MYO1D: variants seen among roughly 807,000 people sequenced by gnomAD.
The protein encoded by MYO1D is myosin ID.
In MYO1D, 83 loss-of-function variants were observed where a neutral mutation model predicts 122.0. That is an observed-to-expected ratio of 0.68 (90% CI 0.57 to 0.82). The LOEUF (loss-of-function observed/expected upper bound fraction) is 0.82, where lower values mean the gene tolerates loss of function less well. MYO1D is among the 40% of genes least tolerant of loss of function. The pLI is 0.00. For missense variants in MYO1D, 1,157 were observed against 1,269.5 expected (o/e 0.91, Z 1.35); for synonymous variants, 464 against 446.9 (o/e 1.04, Z -0.48).
intron 21 of MYO1D, among the ~76,000 whole-genome samples, chr17:32,568,670 T>C (rs925707045): frequency 4.6e-5 from 7 of 152,188 alleles, no homozygotes; most frequent in African/African-American, 1.7e-4. Flanking sequence ...TCACCTCACA[T>C]GGAATAGAAG....
intron 21 of MYO1D, chr17:32,504,922 C>G (rs115371520): frequency 1.3e-5 from 2 of 152,496 alleles, no homozygotes; most frequent in Admixed American, 6.5e-5. Context: ...CAGGCAGCCC[C>G]GCTCCCGCTC....
At chr17:32,839,151 C>G (rs531420948) in intron 1 of MYO1D, among the ~76,000 whole-genome samples, 1 of 152,194 alleles carries the variant, frequency 6.6e-6, no homozygotes, top group South Asian at 2.1e-4. Context: ...CAGGAAATGT[C>G]AAGAACTAAA....
chr17:32,696,589 G>A (rs566567905), intron 16 of MYO1D, among the ~76,000 whole-genome samples: 13 of 152,284 alleles, frequency 8.5e-5, no homozygotes, highest in African/African-American at 2.9e-4. Flanking sequence ...AATAAGGAAA[G>A]GGTTAGTAAA....
intron 16 of MYO1D, among the ~76,000 whole-genome samples, chr17:32,690,963 A>G (rs2089089605): frequency 6.6e-6 from 1 of 152,148 alleles, no homozygotes; most frequent in South Asian, 2.1e-4. Flanking sequence ...CAGTCGCTCT[A>G]GTGGGCTCTC....
At chr17:32,736,308 C>A (rs1277573035) in intron 14 of MYO1D, among the ~76,000 whole-genome samples, 2 of 152,100 alleles carry the variant, frequency 1.3e-5, no homozygotes, top group East Asian at 3.9e-4. Flanking sequence ...GCACTGCTGA[C>A]CAGAATGAAA....
chr17:32,631,281 T>A (rs551714591), intron 20 of MYO1D, among the ~76,000 whole-genome samples: 2 of 152,276 alleles, frequency 1.3e-5, no homozygotes, highest in Admixed American at 1.3e-4. Flanking sequence ...GATGGAATAA[T>A]TTTACTTCTA....
At position 32,771,111 on chromosome 17, in the gene MYO1D, G is replaced by A; in HGVS notation, c.714+14C>T. 1 of 1,559,124 alleles carries A rather than the reference G, an allele frequency of 6.4e-7. No individual in the cohort carries two copies. Among genetic ancestry groups the A allele is most frequent in the Admixed American group, 1.7e-5 (1 of 59,654 alleles). On this transcript the variant is annotated intron_variant, in intron 6 of 21. Coordinates refer to ENST00000318217, the MANE Select transcript of MYO1D (RefSeq NM_015194.3). ...GATTTTCTATTGGAGCAATCTCAAA[G>A]AGGAAATTCTCACCTTTAATTGAGC...
At chr17:32,845,975 T>C (rs2090934488) in intron 1 of MYO1D, among the ~76,000 whole-genome samples, 2 of 150,698 alleles carry the variant, frequency 1.3e-5, no homozygotes, top group Admixed American at 1.3e-4. Context: ...AATACAAAGA[T>C]GGCTAGGGTA....
In MYO1D at chr17:32,750,615, C is replaced by CAATA. The variant is rs375117230; in HGVS notation, c.1468-1613_1468-1610dup. On this transcript the variant is annotated intron_variant, in intron 11 of 21. Transcript: ENST00000318217. ...GGGCGACAAGAGCAAGACTCTGTCT[C>CAATA]AATAAATAAATAAATAAATAAATAA... 2.5e-3 allele frequency among the ~76,000 whole-genome samples: 375 copies of CAATA among 151,758 alleles called. 3 individuals are homozygous for CAATA. Among genetic ancestry groups the CAATA allele is most frequent in the South Asian group, 0.012 (59 of 4,792 alleles).
chr17:32,503,150 C>T (rs1371193035), intron 21 of MYO1D, among the ~76,000 whole-genome samples: 2 of 152,256 alleles, frequency 1.3e-5, no homozygotes, highest in Non-Finnish European at 2.9e-5. Context: ...AACATGTTCC[C>T]TGTGCTACCT....
intron 13 of MYO1D, among the ~76,000 whole-genome samples, chr17:32,743,424 C>A (rs765063507): frequency 6.6e-6 from 1 of 152,074 alleles, no homozygotes; most frequent in Admixed American, 6.5e-5. Flanking sequence ...AACCAATTAG[C>A]GTTTCCTCTT....
chr17:32,642,500 G>A (rs1039851381), intron 19 of MYO1D, among the ~76,000 whole-genome samples: 11 of 152,162 alleles, frequency 7.2e-5, no homozygotes, highest in Non-Finnish European at 1.6e-4. Context: ...GGATGGCACT[G>A]AATCTATAAA....
At chr17:32,718,652 A>G (rs2089474563) in intron 15 of MYO1D, among the ~76,000 whole-genome samples, 1 of 152,062 alleles carries the variant, frequency 6.6e-6, no homozygotes, top group South Asian at 2.1e-4. Context: ...GTGAGCTGAG[A>G]TGGCGCCACT....
rs539190379 is a variant in MYO1D at position 32,604,381 on chromosome 17, A to G, written c.2864+706T>C. ...CCACAAAGAGAGCACTTGACTTTGG[A>G]GAGATACACCCACCCAAATACTCCA... is the stretch of plus-strand genomic sequence containing the variant. On this transcript the variant is annotated intron_variant, in intron 21 of 21. Coordinates refer to ENST00000318217, the MANE Select transcript of MYO1D (RefSeq NM_015194.3). Among the ~76,000 whole-genome samples the G allele has an allele frequency of 8.5e-5, 13 of 152,290 alleles. No homozygotes were observed. In the East Asian group the frequency reaches 2.5e-3, roughly 29 times the overall value.
intron 20 of MYO1D, among the ~76,000 whole-genome samples, chr17:32,610,637 T>C (rs2087688654): frequency 6.6e-6 from 1 of 152,118 alleles, no homozygotes; most frequent in African/African-American, 2.4e-5. Flanking sequence ...AGGGTTGTGG[T>C]AAGGATCAAA....
At chr17:32,592,425 A>G (rs1439587357) in intron 21 of MYO1D, among the ~76,000 whole-genome samples, 2 of 152,228 alleles carry the variant, frequency 1.3e-5, no homozygotes, top group African/African-American at 2.4e-5. Flanking sequence ...GGATGCATCA[A>G]TGTTGTTGTG....
chr17:32,767,428 T>A (rs942843986), intron 7 of MYO1D, among the ~76,000 whole-genome samples: 3 of 152,200 alleles, frequency 2.0e-5, no homozygotes, highest in African/African-American at 7.2e-5. Context: ...TCAACTGAAG[T>A]AGTAGTCTCC....
chr17:32,748,941 A>C lies in MYO1D; in HGVS notation c.1533T>G (p.Asp511Glu). The change falls in exon 12 of 22, where the codon GAT (aspartate) becomes GAG (glutamate). Residue 511 changes from aspartate to glutamate, a missense_variant. Transcript: ENST00000318217. ...RDFRIRHYAG[D>E]VVYSVIGFID... ...TACCAAGGTAAGATACTCACACTAC[A>C]TCGCCTGCATAATGTCGAATTCGAA... 1 of 1,613,098 alleles carries C rather than the reference A, an allele frequency of 6.2e-7. No homozygotes were observed. Among genetic ancestry groups the C allele is most frequent in the African/African-American group, 1.3e-5 (1 of 75,032 alleles).
At chr17:32,510,727 G>A (rs1044992857) in intron 21 of MYO1D, 2 of 152,110 alleles carry the variant, frequency 1.3e-5, no homozygotes, top group Non-Finnish European at 1.5e-5. Context: ...GAGGCCTGGC[G>A]ACCCCTGCGT....
Sources: gnomAD v4.1 joint callset for allele counts (sites outside exome capture counted in the v4.1 genomes callset) on GRCh38, gnomAD v4.1.1 for gene constraint, MANE v1.5 for transcripts, NCBI Gene and HGNC (gene_info 2026-07-23, HGNC 2026-07-21) for gene names.